IL6R: variants seen among roughly 807,000 people sequenced by gnomAD.
IL6R encodes interleukin 6 receptor.
Under a neutral mutation model 48.3 loss-of-function variants are expected in IL6R, and 38 were observed. The observed-to-expected ratio is 0.79, with a 90% CI of 0.61 to 1.03. The LOEUF (loss-of-function observed/expected upper bound fraction) is 1.03, where lower values mean the gene tolerates loss of function less well. Among genes scored for constraint, IL6R ranks in the 50% least tolerant of loss-of-function variants. The pLI is 0.00. For missense variants in IL6R, 534 were observed against 618.3 expected (o/e 0.86, Z 1.45); for synonymous variants, 264 against 256.2 (o/e 1.03, Z -0.29).
intron 1 of IL6R, among the ~76,000 whole-genome samples, chr1:154,409,127 C>T (rs1222399780): frequency 6.6e-6 from 1 of 152,036 alleles, no homozygotes; most frequent in East Asian, 1.9e-4. Flanking sequence ...GACAGGAGAC[C>T]CTGTCTCCAA....
At chr1:154,424,953 G>T (rs758684854) in intron 1 of IL6R, among the ~76,000 whole-genome samples, 1 of 152,102 alleles carries the variant, frequency 6.6e-6, no homozygotes, top group South Asian at 2.1e-4. Context: ...AAAGGGGTCC[G>T]CATGAGAGGG....
intron 7 of IL6R, among the ~76,000 whole-genome samples, chr1:154,448,875 CTTTTTTTTTTT>C (rs757221328): frequency 5.5e-5 from 4 of 73,330 alleles, no homozygotes; most frequent in Non-Finnish European, 8.0e-5. Context: ...CTTGTAAGGG[CTTTTTTTTTTT>C]TTTTTTTTTT....
rs200636751 is a variant in IL6R, at chr1:154,407,411, AT to A, written c.85+1699del. On this transcript the variant is annotated intron_variant, in intron 1 of 9. Coordinates refer to ENST00000368485, the MANE Select transcript of IL6R (RefSeq NM_000565.4). The stretch of plus-strand genomic sequence containing the variant: ...TCCATTTCCCTGGTGCTCAGGAAGG[AT>A]TAGGAGAGGTGGTCTCATGGCCTGA... 9.2e-3 allele frequency among the ~76,000 whole-genome samples: 1,397 copies of A among 152,220 alleles called. 17 individuals are homozygous for A. The highest frequency in any genetic ancestry group is 0.032 in the African/African-American group (1,322 of 41,518).
intron 3 of IL6R, among the ~76,000 whole-genome samples, chr1:154,432,289 C>G (rs1689335488): frequency 6.6e-6 from 1 of 152,116 alleles, no homozygotes; most frequent in African/African-American, 2.4e-5. Flanking sequence ...AGGATAGAGA[C>G]TGTGGCTGGC....
intron 3 of IL6R, among the ~76,000 whole-genome samples, chr1:154,432,579 A>T (rs1274438701): frequency 2.0e-5 from 3 of 152,020 alleles, no homozygotes; most frequent in Non-Finnish European, 4.4e-5. Context: ...GCTGGTCTCG[A>T]ACTTCTGACC....
chr1:154,412,942 C>A (rs1688113406), intron 1 of IL6R, among the ~76,000 whole-genome samples: 2 of 151,098 alleles, frequency 1.3e-5, no homozygotes, highest in Non-Finnish European at 2.9e-5. Context: ...CAAAGAACTT[C>A]CTCTTTTTTT....
At position 154,405,446 on chromosome 1, in the gene IL6R, G is replaced by T; in HGVS notation, c.-184G>T. On this transcript the variant is annotated 5_prime_UTR_variant, in exon 1 of 10. Coordinates refer to ENST00000368485, the MANE Select transcript of IL6R (RefSeq NM_000565.4). The surrounding 1 kb of genome is among the most constrained non-coding windows in gnomAD (Gnocchi z 5.2). ...GGCCAGAGGGAGAGGAGCCGAGCGCGGCGCGGGGCCGAGGGACTCGCAGTG... is the reference window on the plus strand; with the variant it reads ...GGCCAGAGGGAGAGGAGCCGAGCGCTGCGCGGGGCCGAGGGACTCGCAGTG... 2 of 554,944 alleles carry T rather than the reference G, an allele frequency of 3.6e-6. No individual in the cohort carries two copies. The highest frequency in any genetic ancestry group is 3.9e-5 in the Admixed American group (1 of 25,490). 34.4% of individuals were successfully genotyped at this position (554,944 alleles called of 1,614,324 possible).
Position 154,467,897 on chromosome 1 carries a change from C to T in IL6R, c.*2517C>T, listed in dbSNP as rs1014130775. Reference sequence around the variant, plus strand: ...TGCAGTAAGGGTGATTCTGTGCCCACAGTTCTTCAATTCTTTATACCGTTT... The same window carrying T: ...TGCAGTAAGGGTGATTCTGTGCCCATAGTTCTTCAATTCTTTATACCGTTT... On this transcript the variant is annotated 3_prime_UTR_variant, in exon 10 of 10. Transcript: ENST00000368485. 1 of 152,178 alleles carries T rather than the reference C, an allele frequency of 6.6e-6. No individual in the cohort carries two copies. The highest frequency in any genetic ancestry group is 2.4e-5 in the African/African-American group (1 of 41,442). The allele number at this position is 152,178 out of a possible 1,614,324, so 9.4% of individuals were successfully genotyped here. A position where few individuals can be genotyped will look rare whatever the true frequency, so the allele number is the denominator to read the frequency against.
At chr1:154,416,311 T>A (rs1239974994) in intron 1 of IL6R, among the ~76,000 whole-genome samples, 1 of 150,982 alleles carries the variant, frequency 6.6e-6, no homozygotes, top group Non-Finnish European at 1.5e-5. Context: ...AAAAAAAATT[T>A]TTTTTTTTTT....
At chr1:154,431,461 A>ATAGT (rs1164287192) in intron 3 of IL6R, among the ~76,000 whole-genome samples, 5 of 152,318 alleles carry the variant, frequency 3.3e-5, no homozygotes, top group African/African-American at 1.2e-4. Flanking sequence ...TTTTCTATAG[A>ATAGT]TATGTACTTA....
intron 6 of IL6R, among the ~76,000 whole-genome samples, chr1:154,444,085 C>T (rs1345392052): frequency 6.6e-6 from 1 of 152,204 alleles, no homozygotes; most frequent in African/African-American, 2.4e-5. Context: ...ACCCTCCTCC[C>T]TCATCCTCGC....
chr1:154,458,001 T>C (rs1334811902), intron 9 of IL6R, among the ~76,000 whole-genome samples: 4 of 149,256 alleles, frequency 2.7e-5, no homozygotes, highest in African/African-American at 4.9e-5. Flanking sequence ...GAGTCTCGCT[T>C]TGTCGCCCAG....
rs1170911885 is a variant in IL6R, at chr1:154,405,466, G to C, written c.-164G>C. The C allele has an allele frequency of 1.7e-6, 1 of 603,014 alleles. No individual in the cohort carries two copies. Among genetic ancestry groups the C allele is most frequent in the Admixed American group, 3.9e-5 (1 of 25,932 alleles). 37.4% of individuals were successfully genotyped at this position (603,014 alleles called of 1,614,324 possible). A position where few individuals can be genotyped will look rare whatever the true frequency, so the allele number is the denominator to read the frequency against. On this transcript the variant is annotated 5_prime_UTR_variant, in exon 1 of 10. Coordinates refer to ENST00000368485, the MANE Select transcript of IL6R (RefSeq NM_000565.4). The surrounding 1 kb of genome is among the most constrained non-coding windows in gnomAD (Gnocchi z 5.2). ...AGCGCGGCGCGGGGCCGAGGGACTC[G>C]CAGTGTGTGTAGAGAGCCGGGCTCC...
intron 1 of IL6R, among the ~76,000 whole-genome samples, chr1:154,422,854 C>T (rs1358168127): frequency 6.6e-6 from 1 of 152,190 alleles, no homozygotes; most frequent in Non-Finnish European, 1.5e-5. Flanking sequence ...TCAGGAGCCC[C>T]CTCCTCACCT....
Position 154,435,104 on chromosome 1 carries a change from G to A in IL6R, c.755G>A (p.Arg252Gln). The change falls in exon 5 of 10, where the codon CGG becomes CAG. Residue 252 changes from arginine (R) to glutamine (Q), a missense_variant. By Grantham distance (43) the Arg-to-Gln change is conservative. Transcript: ENST00000368485. ...TGGAACTCATCTTTCTACAGACTAC[G>A]GTTTGAGCTCAGATATCGGGCTGAA... Reference protein sequence around the residue: ...HSWNSSFYRLRFELRYRAERS... With the variant: ...HSWNSSFYRLQFELRYRAERS... The A allele has an allele frequency of 1.9e-6, 3 of 1,614,130 alleles. No individual in the cohort carries two copies. Among genetic ancestry groups the A allele is most frequent in the Non-Finnish European group, 2.5e-6 (3 of 1,179,998 alleles).
At position 154,426,235 on chromosome 1, in the gene IL6R, G is replaced by A. The variant is rs1214850384; in HGVS notation, c.86-2961G>A. 2.0e-5 allele frequency among the ~76,000 whole-genome samples: 3 copies of A among 152,072 alleles called. No individual in the cohort carries two copies. The East Asian group carries it at 5.8e-4, about 29-fold the overall frequency. ...GAAGTTCGAGAAAAGCACCAGCTGGGCGTGGTGGCTCACGCCTGTAATCCC... is the reference window on the plus strand; with the variant it reads ...GAAGTTCGAGAAAAGCACCAGCTGGACGTGGTGGCTCACGCCTGTAATCCC... On this transcript the variant is annotated intron_variant, in intron 1 of 9. Transcript: ENST00000368485.
intron 1 of IL6R, among the ~76,000 whole-genome samples, chr1:154,411,547 A>G (rs1345925427): frequency 6.6e-6 from 1 of 152,118 alleles, no homozygotes; most frequent in African/African-American, 2.4e-5. Flanking sequence ...ATGTTTTGCA[A>G]TCCACATCAC....
chr1:154,448,233 T>C, intron 7 of IL6R, 62 bp downstream of exon 7: 1 of 1,378,524 alleles, frequency 7.3e-7, no homozygotes, highest in Non-Finnish European at 1.0e-6. Flanking sequence ...GAGTGTGGGC[T>C]GATGCCAGAC....
chr1:154,442,992 A>G (rs968692165), intron 6 of IL6R, among the ~76,000 whole-genome samples: 3 of 152,022 alleles, frequency 2.0e-5, no homozygotes, highest in South Asian at 2.1e-4. Context: ...GCCTTGAGTG[A>G]TCCTCCTGCC....
Sources: allele counts gnomAD v4.1 joint callset (sites outside exome capture counted in the v4.1 genomes callset), GRCh38; gene constraint gnomAD v4.1.1; non-coding constraint Gnocchi (gnomAD v3.1); transcripts MANE v1.5; gene names NCBI Gene and HGNC (gene_info 2026-07-23, HGNC 2026-07-21).